The following PRKACB variants were observed in gnomAD, a reference collection of about 807,000 sequenced individuals.
PRKACB encodes cAMP-dependent protein kinase catalytic subunit beta.
In PRKACB, 16 loss-of-function variants were observed where a neutral mutation model predicts 51.4. The observed-to-expected ratio is 0.31, with a 90% CI of 0.21 to 0.47. The LOEUF (loss-of-function observed/expected upper bound fraction) is 0.47. PRKACB is among the 20% of genes least tolerant of loss of function. PRKACB has a pLI of 1.00. For synonymous variants in PRKACB, 147 were observed against 154.4 expected (o/e 0.95, Z 0.35); for missense variants, 309 against 464.5 (o/e 0.67, Z 3.08).
At chr1:84,099,397 A>G (rs957021018) in intron 1 of PRKACB, among the ~76,000 whole-genome samples, 4 of 152,032 alleles carry the variant, frequency 2.6e-5, no homozygotes, top group African/African-American at 9.6e-5. Context: ...CTAGAATAAC[A>G]TATTTCAGTT....
At chr1:84,227,715 T>C (rs11802582) in intron 9 of PRKACB, among the ~76,000 whole-genome samples, 2,492 of 43,454 alleles carry the variant, frequency 0.057, 69 homozygotes, top group African/African-American at 0.14. Flanking sequence ...ACAAATTGAT[T>C]GACAGCCAAA....
intron 1 of PRKACB, among the ~76,000 whole-genome samples, chr1:84,138,462 C>T (rs1653049040): frequency 6.6e-6 from 1 of 152,060 alleles, no homozygotes; most frequent in African/African-American, 2.4e-5. Context: ...TACTAATATT[C>T]ATTCGAGATG....
At chr1:84,078,715 TC>T (rs1386538608) in intron 1 of PRKACB, among the ~76,000 whole-genome samples, 2 of 151,992 alleles carry the variant, frequency 1.3e-5, no homozygotes, top group East Asian at 3.9e-4. Context: ...ACCCCTGCTT[TC>T]CCCCCTCGCC....
intron 8 of PRKACB, among the ~76,000 whole-genome samples, chr1:84,209,620 A>G (rs1671839854): frequency 6.6e-6 from 1 of 152,168 alleles, no homozygotes; most frequent in Non-Finnish European, 1.5e-5. Flanking sequence ...TCTTTTCAAA[A>G]CCTTGCAAGG....
chr1:84,171,858 C>T (rs1199075351), intron 1 of PRKACB, among the ~76,000 whole-genome samples: 2 of 151,446 alleles, frequency 1.3e-5, no homozygotes, highest in Non-Finnish European at 3.0e-5. Flanking sequence ...ATATAAACAT[C>T]GACTATGTTC....
intron 1 of PRKACB, among the ~76,000 whole-genome samples, chr1:84,168,132 T>G (rs1253542216): frequency 6.6e-6 from 1 of 151,572 alleles, no homozygotes; most frequent in Non-Finnish European, 1.5e-5. Context: ...ACAGGTATTA[T>G]TGGGATGCAG....
intron 1 of PRKACB, among the ~76,000 whole-genome samples, chr1:84,166,012 T>C (rs11803989): frequency 2.3e-3 from 355 of 151,828 alleles, no homozygotes; most frequent in African/African-American, 8.1e-3. Context: ...ACCTTTTCTT[T>C]CATAACTGGA....
intron 1 of PRKACB, among the ~76,000 whole-genome samples, chr1:84,103,360 T>G (rs1290018487): frequency 1.3e-5 from 2 of 148,266 alleles, no homozygotes; most frequent in African/African-American, 5.0e-5. Context: ...GTCTGACTAT[T>G]CTGAGACCAA....
rs149013677 is a variant in PRKACB, at chr1:84,158,850, C to T, written c.187+14302C>T. On this transcript the variant is annotated intron_variant, in intron 1 of 9. Transcript: ENST00000370685. ...GTATGAATTGAAGTTCTTTTTTCAA[C>T]ATGTAGATCCATTTTTTACTGCACT... Among the ~76,000 whole-genome samples the T allele has an allele frequency of 6.0e-4, 91 of 152,076 alleles. 3 individuals are homozygous for T. The East Asian group carries it at 0.017, about 28-fold the overall frequency.
chr1:84,134,685 A>G (rs1302128889), intron 1 of PRKACB, among the ~76,000 whole-genome samples: 2 of 152,234 alleles, frequency 1.3e-5, no homozygotes, highest in Non-Finnish European at 2.9e-5. Context: ...GGAAGAAAGA[A>G]TAAAGTCAAC....
At chr1:84,083,833 A>T (rs755632097) in intron 1 of PRKACB, among the ~76,000 whole-genome samples, 3 of 152,148 alleles carry the variant, frequency 2.0e-5, no homozygotes, top group Non-Finnish European at 4.4e-5. Context: ...TTTTAAATGT[A>T]TTCCTTCAAG....
intron 9 of PRKACB, among the ~76,000 whole-genome samples, chr1:84,228,258 A>C (rs76449926): frequency 0.014 from 2,184 of 152,342 alleles, 49 homozygotes; most frequent in East Asian, 0.084. Flanking sequence ...TATGTTGATT[A>C]TGTGTACTAG....
chr1:84,121,857 T>C (rs1651106076), intron 1 of PRKACB, among the ~76,000 whole-genome samples: 1 of 152,064 alleles, frequency 6.6e-6, no homozygotes, highest in Admixed American at 6.6e-5. Flanking sequence ...CACTCTCTTT[T>C]CTGGGGTCTA....
At chr1:84,204,178 C>G (rs972073273) in intron 8 of PRKACB, among the ~76,000 whole-genome samples, 1 of 151,920 alleles carries the variant, frequency 6.6e-6, no homozygotes, top group African/African-American at 2.4e-5. Flanking sequence ...CTACCTGGGT[C>G]ATGAGATTTT....
At chr1:84,148,989 C>T (rs1654489998) in intron 1 of PRKACB, among the ~76,000 whole-genome samples, 1 of 152,070 alleles carries the variant, frequency 6.6e-6, no homozygotes, top group African/African-American at 2.4e-5. Flanking sequence ...GAGGAAGAAT[C>T]CCAGGTCCCA....
In PRKACB at chr1:84,128,265, TA is replaced by T. The variant is rs112375556; in HGVS notation, c.46+49904del. 2.0e-3 allele frequency among the ~76,000 whole-genome samples: 298 copies of T among 149,108 alleles called. 1 individual carries two copies. Among genetic ancestry groups the T allele is most frequent in the African/African-American group, 6.6e-3 (268 of 40,688 alleles). ...TACCTTAGCTGCAAAAAAGCAAAAT[TA>T]AAAAAAAAAGATGTTTTAGCATACA... On this transcript the variant is annotated intron_variant, in intron 1 of 8. Coordinates refer to the PRKACB transcript ENST00000370688.
rs1676794085 is a variant in PRKACB, at chr1:84,237,887, A to G, written c.*2582A>G. On this transcript the variant is annotated 3_prime_UTR_variant, in exon 10 of 10. Transcript: ENST00000370685. ...CTCAGCCTCAGTTCTCTTGTCTGTA[A>G]AATGGAAGAACTGGATTAGGCAGTT... 1 of 152,134 alleles carries G rather than the reference A, an allele frequency of 6.6e-6. No individual in the cohort carries two copies. Among genetic ancestry groups the G allele is most frequent in the South Asian group, 2.1e-4 (1 of 4,836 alleles). 9.4% of individuals were successfully genotyped at this position (152,134 alleles called of 1,614,324 possible).
At chr1:84,082,487 A>G (rs1376447864) in intron 1 of PRKACB, among the ~76,000 whole-genome samples, 1 of 152,228 alleles carries the variant, frequency 6.6e-6, no homozygotes, top group Admixed American at 6.5e-5. Context: ...AGCCTTAATT[A>G]CTACAGTACT....
intron 9 of PRKACB, among the ~76,000 whole-genome samples, chr1:84,218,036 A>G (rs922679255): frequency 6.6e-6 from 1 of 152,082 alleles, no homozygotes; most frequent in African/African-American, 2.4e-5. Context: ...TACTATTTTT[A>G]TATATTCATG....
Sources: allele counts gnomAD v4.1 joint callset (sites outside exome capture counted in the v4.1 genomes callset), GRCh38; gene constraint gnomAD v4.1.1; transcripts MANE v1.5; gene names NCBI Gene and HGNC (gene_info 2026-07-23, HGNC 2026-07-21).